The following PHYKPL variants were observed in gnomAD, a reference collection of about 807,000 sequenced individuals.
The protein encoded by PHYKPL is 5-phosphonooxy-L-lysine phospho-lyase.
In PHYKPL, 42 loss-of-function variants were observed where a neutral mutation model predicts 51.3. The ratio of observed to expected loss-of-function variants is 0.82; its 90% CI spans 0.64 to 1.06. The LOEUF (loss-of-function observed/expected upper bound fraction) is 1.06, where lower values mean the gene tolerates loss of function less well. Among genes scored for constraint, PHYKPL ranks in the 50% least tolerant of loss-of-function variants. PHYKPL has a pLI of 0.00. For missense variants in PHYKPL, 655 were observed against 586.6 expected (o/e 1.12, Z -1.20); for synonymous variants, 264 against 236.0 (o/e 1.12, Z -1.09).
intron 2 of PHYKPL, 145 bp downstream of exon 2, chr5:178,231,260 G>A (rs1255268607): frequency 9.5e-6 from 13 of 1,368,974 alleles, no homozygotes; most frequent in Non-Finnish European, 1.2e-5. Context: ...GCTATATTGC[G>A]AAGGCTGAGC....
At chr5:178,220,542 T>C (rs1760951303) in intron 8 of PHYKPL, among the ~76,000 whole-genome samples, 1 of 151,942 alleles carries the variant, frequency 6.6e-6, no homozygotes. Context: ...ACACTACTGG[T>C]GGGGTGTTAA....
downstream of PHYKPL, among the ~76,000 whole-genome samples, chr5:178,207,834 C>T (rs1757153128): frequency 6.6e-6 from 1 of 151,606 alleles, no homozygotes; most frequent in Admixed American, 6.6e-5. Context: ...TCTCGAGTAG[C>T]TGGGACCACA....
At chr5:178,229,195 C>T (rs1464940144) in intron 3 of PHYKPL, among the ~76,000 whole-genome samples, 1 of 151,852 alleles carries the variant, frequency 6.6e-6, no homozygotes, top group Non-Finnish European at 1.5e-5. Flanking sequence ...CAACCTCCGC[C>T]TCCCGGTTCA....
At chr5:178,227,298 G>A (rs982783509) in intron 3 of PHYKPL, among the ~76,000 whole-genome samples, 25 of 152,186 alleles carry the variant, frequency 1.6e-4, no homozygotes, top group African/African-American at 5.8e-4. Flanking sequence ...CAAGGAGAGA[G>A]GCCTTAGAAG....
intron 12 of PHYKPL, chr5:178,210,198 G>A: frequency 6.2e-7 from 1 of 1,613,114 alleles, no homozygotes; most frequent in Non-Finnish European, 8.5e-7. Flanking sequence ...TACCAGCAGG[G>A]CTACGGGCCT....
intron 3 of PHYKPL, chr5:178,228,436 G>A (rs962355429): frequency 3.0e-6 from 2 of 661,452 alleles, no homozygotes; most frequent in East Asian, 2.7e-5. Flanking sequence ...GGAAGTCCCT[G>A]GAATCCACAC....
At chr5:178,222,265 G>T (rs1464132648) in intron 8 of PHYKPL, 90 bp downstream of exon 8, 6 of 1,165,922 alleles carry the variant, frequency 5.1e-6, no homozygotes, top group East Asian at 5.1e-5. Flanking sequence ...CACAGTGCTA[G>T]CCCTGTAGCC....
chr5:178,210,134 C>A, intron 12 of PHYKPL: 7 of 1,614,122 alleles, frequency 4.3e-6, no homozygotes, highest in Non-Finnish European at 5.9e-6. Context: ...CCCCACAGGT[C>A]AGAGTCAGAG....
intron 3 of PHYKPL, among the ~76,000 whole-genome samples, chr5:178,227,723 G>A (rs1762570851): frequency 6.6e-6 from 1 of 152,194 alleles, no homozygotes; most frequent in Non-Finnish European, 1.5e-5. Context: ...AGGGACATAA[G>A]TCAGCTCCTA....
intron 12 of PHYKPL, among the ~76,000 whole-genome samples, chr5:178,209,630 T>TGCC (rs1323819834): frequency 6.6e-6 from 1 of 152,186 alleles, no homozygotes; most frequent in Non-Finnish European, 1.5e-5. Context: ...TGCCTGCTGC[T>TGCC]GCCCCTTGGA....
intron 12 of PHYKPL, chr5:178,210,584 G>A (rs1278678526): frequency 6.2e-7 from 1 of 1,614,190 alleles, no homozygotes; most frequent in Non-Finnish European, 8.5e-7. Context: ...GCAAGAGCCA[G>A]CGACGTGGTG....
At chr5:178,231,763 C>T (rs944243932) in intron 1 of PHYKPL, 4 of 1,481,938 alleles carry the variant, frequency 2.7e-6, no homozygotes, top group Non-Finnish European at 3.6e-6. Context: ...CATTTTCAGC[C>T]TCTGTGGCCT....
intron 4 of PHYKPL, chr5:178,225,086 G>T (rs1762021724): frequency 7.0e-6 from 4 of 568,810 alleles, no homozygotes; most frequent in Middle Eastern, 4.6e-4. Context: ...TACTGCTGGA[G>T]TAGTTTGAAC....
intron 8 of PHYKPL, among the ~76,000 whole-genome samples, chr5:178,221,142 C>A (rs1302697879): frequency 1.3e-5 from 2 of 152,206 alleles, no homozygotes; most frequent in Non-Finnish European, 2.9e-5. Flanking sequence ...GAGGGCTATG[C>A]ACAGACAGAT....
At chr5:178,232,392 G>A (rs915291445) in intron 1 of PHYKPL, 100 bp downstream of exon 1, 3 of 1,324,794 alleles carry the variant, frequency 2.3e-6, no homozygotes, top group African/African-American at 3.1e-5. Context: ...CGGCTTCCTA[G>A]CCGGAGGCGC....
rs1402807049 is a variant in PHYKPL, at chr5:178,231,106, C to A, written c.178+299G>T. On this transcript the variant is annotated intron_variant, in intron 2 of 12. Coordinates refer to ENST00000308158, the MANE Select transcript of PHYKPL (RefSeq NM_153373.4). The stretch of plus-strand genomic sequence containing the variant: ...CACTGCCATGACCCCAGCACTTGGC[C>A]AGCACTGTGCTACGTTGCTGGTCAC... Among the ~76,000 whole-genome samples the A allele has an allele frequency of 2.6e-5, 4 of 152,172 alleles. No individual in the cohort carries two copies. In the East Asian group the frequency reaches 7.7e-4, roughly 29 times the overall value.
At chr5:178,229,848 A>T in intron 3 of PHYKPL, 92 bp downstream of exon 3, 9 of 1,503,388 alleles carry the variant, frequency 6.0e-6, no homozygotes, top group Non-Finnish European at 8.1e-6. Context: ...CCGAGTCCAC[A>T]CTCGGTCAGC....
chr5:178,209,289 GT>G, intron 12 of PHYKPL: 1 of 1,535,010 alleles, frequency 6.5e-7, no homozygotes. Context: ...ACTGCCCTGA[GT>G]TTGTCCTACT....
intron 1 of PHYKPL, 97 bp from the exon 2 acceptor site, chr5:178,231,620 G>A (rs1362970557): frequency 2.1e-5 from 34 of 1,590,852 alleles, no homozygotes; most frequent in Non-Finnish European, 2.9e-5. Context: ...CCAGTTTCTG[G>A]TGGCGGGGGG....
Sources: allele counts gnomAD v4.1 joint callset (sites outside exome capture counted in the v4.1 genomes callset), GRCh38; gene constraint gnomAD v4.1.1; transcripts MANE v1.5; gene names NCBI Gene and HGNC (gene_info 2026-07-23, HGNC 2026-07-21).